The following TMEM232 variants were observed in gnomAD, a reference collection of about 807,000 sequenced individuals.
TMEM232 encodes transmembrane protein 232.
A neutral mutation model predicts 78.8 loss-of-function variants in TMEM232; 80 were observed. That is an observed-to-expected ratio of 1.01 (90% CI 0.85 to 1.22). The LOEUF is 1.22. TMEM232 is among the 50% of genes most tolerant of loss of function. The pLI is 0.00. For synonymous variants in TMEM232, 297 were observed against 254.3 expected (o/e 1.17, Z -1.60); for missense variants, 881 against 742.2 (o/e 1.19, Z -2.17).
intron 12 of TMEM232, among the ~76,000 whole-genome samples, chr5:110,434,893 T>C (rs1216722816): frequency 6.6e-6 from 1 of 152,034 alleles, no homozygotes; most frequent in Non-Finnish European, 1.5e-5. Context: ...ATGCATTTGA[T>C]AAAATCCAAC....
At chr5:110,615,374 AT>A (rs1205613852) in intron 8 of TMEM232, among the ~76,000 whole-genome samples, 6 of 152,014 alleles carry the variant, frequency 3.9e-5, no homozygotes, top group Non-Finnish European at 8.8e-5. Flanking sequence ...TTGTTATGGC[AT>A]TACAAGTTAT....
upstream of TMEM232, among the ~76,000 whole-genome samples, chr5:110,727,548 G>A (rs1230131491): frequency 6.6e-6 from 1 of 152,110 alleles, no homozygotes; most frequent in African/African-American, 2.4e-5. Flanking sequence ...GATGGAGGTT[G>A]CAGTGAGCCG....
chr5:110,453,632 A>G (rs1359009851), intron 12 of TMEM232, among the ~76,000 whole-genome samples: 1 of 152,162 alleles, frequency 6.6e-6, no homozygotes, highest in Non-Finnish European at 1.5e-5. Context: ...ATTCAGAGCA[A>G]ATTTATCAGC....
chr5:110,599,139 C>T (rs891440917), intron 10 of TMEM232, among the ~76,000 whole-genome samples: 2 of 152,046 alleles, frequency 1.3e-5, no homozygotes, highest in African/African-American at 2.4e-5. Context: ...TTGTCACCAT[C>T]AGGCCTGCCT....
intron 1 of TMEM232, among the ~76,000 whole-genome samples, chr5:110,701,961 C>A (rs999704597): frequency 6.6e-6 from 1 of 151,952 alleles, no homozygotes; most frequent in African/African-American, 2.4e-5. Flanking sequence ...TAAGGGGGGA[C>A]TACACATAAA....
chr5:110,698,172 C>T (rs1488661901), intron 1 of TMEM232, among the ~76,000 whole-genome samples: 1 of 151,782 alleles, frequency 6.6e-6, no homozygotes, highest in Non-Finnish European at 1.5e-5. Context: ...TCATTCTCAG[C>T]AAACTATCAC....
At chr5:110,619,469 G>A (rs966712704) in intron 7 of TMEM232, among the ~76,000 whole-genome samples, 12 of 152,112 alleles carry the variant, frequency 7.9e-5, no homozygotes, top group African/African-American at 2.7e-4. Flanking sequence ...CAGGAATTCC[G>A]TTAAGATTCT....
At chr5:110,550,360 T>G (rs1252076189) in intron 11 of TMEM232, among the ~76,000 whole-genome samples, 2 of 152,128 alleles carry the variant, frequency 1.3e-5, no homozygotes, top group East Asian at 3.9e-4. Context: ...CTTATGAGAC[T>G]CACGTAAAAC....
chr5:110,420,774 C>A lies in TMEM232; in HGVS notation c.1798-18G>T. On this transcript the variant is annotated intron_variant, in intron 13 of 13. Transcript: ENST00000455884. The stretch of plus-strand genomic sequence containing the variant: ...TCCTGCCACTGTTACAGAGAGAAAA[C>A]GTCATTCACATGATTTTCCATGAAA... The A allele has an allele frequency of 6.7e-7, 1 of 1,489,850 alleles. No individual in the cohort carries two copies. Among genetic ancestry groups the A allele is most frequent in the Non-Finnish European group, 8.8e-7 (1 of 1,132,512 alleles). The allele number at this position is 1,489,850 out of a possible 1,614,324, so 92.3% of individuals were successfully genotyped here.
rs1784289424 is a variant in TMEM232, at chr5:110,625,359, A to T, written c.676T>A (p.Ser226Thr). ...AGTTCTCTTTTACCTATAATTTCCG[A>T]GGCTTTCAGGATGAATTGCACATTT... ...FSNVQFILKASEIIGKRELRS... is the reference protein window; with the variant it reads ...FSNVQFILKATEIIGKRELRS... Residue 226 changes from serine to threonine, a missense_variant, in exon 7 of 14, where the codon TCG becomes ACG. Physicochemically the swap from Ser to Thr is moderately conservative, Grantham distance 58. Transcript: ENST00000455884. 1 of 1,548,038 alleles carries T rather than the reference A, an allele frequency of 6.5e-7. No homozygotes were observed. The highest frequency in any genetic ancestry group is 2.0e-5 in the Admixed American group (1 of 50,760).
chr5:110,697,863 C>G (rs374066872), intron 1 of TMEM232, among the ~76,000 whole-genome samples: 15 of 152,132 alleles, frequency 9.9e-5, no homozygotes, highest in East Asian at 9.6e-4. Context: ...TTCAACCATT[C>G]TGGAAGTCAG....
intron 1 of TMEM232, among the ~76,000 whole-genome samples, chr5:110,704,004 T>G (rs1795682347): frequency 6.6e-6 from 1 of 152,124 alleles, no homozygotes; most frequent in Non-Finnish European, 1.5e-5. Flanking sequence ...TGAGACTGGA[T>G]AGAGGATTTC....
chr5:110,656,320 G>A (rs533154561), intron 2 of TMEM232, among the ~76,000 whole-genome samples: 70 of 152,026 alleles, frequency 4.6e-4, no homozygotes, highest in South Asian at 4.1e-4. Context: ...TTATCTCCAC[G>A]TGTGTTGAGT....
intron 2 of TMEM232, among the ~76,000 whole-genome samples, chr5:110,407,722 G>A (rs967624984): frequency 2.0e-5 from 3 of 152,086 alleles, no homozygotes; most frequent in South Asian, 2.1e-4. Flanking sequence ...TGCAGAATAC[G>A]CTTTCTTTTC....
chr5:110,421,755 A>G lies in TMEM232; in HGVS notation c.1798-999T>C, dbSNP rs536882153. ...AGAGCTAAACATCAGAGTCCATAGC[A>G]TGTCACTCAGCTTTGACGAATGCAT... On this transcript the variant is annotated intron_variant, in intron 13 of 13. Coordinates refer to ENST00000455884, the MANE Select transcript of TMEM232 (RefSeq NM_001039763.4). Among the ~76,000 whole-genome samples, 81 of 152,314 alleles carry G rather than the reference A, an allele frequency of 5.3e-4. 1 individual carries two copies. Among genetic ancestry groups the G allele is most frequent in the African/African-American group, 1.9e-3 (80 of 41,568 alleles).
intron 11 of TMEM232, among the ~76,000 whole-genome samples, chr5:110,540,142 C>T (rs1772919059): frequency 6.6e-6 from 1 of 152,184 alleles, no homozygotes; most frequent in South Asian, 2.1e-4. Flanking sequence ...AGCCCTTCTC[C>T]TTGTATGTAG....
At chr5:110,722,408 G>T (rs1797736280) in intron 1 of TMEM232, among the ~76,000 whole-genome samples, 2 of 152,114 alleles carry the variant, frequency 1.3e-5, no homozygotes. Flanking sequence ...AGTCATCTAA[G>T]TTCAGTCAGT....
intron 1 of TMEM232, among the ~76,000 whole-genome samples, chr5:110,696,576 C>G (rs533827345): frequency 6.6e-6 from 1 of 152,156 alleles, no homozygotes; most frequent in Non-Finnish European, 1.5e-5. Flanking sequence ...CCCAAAATCT[C>G]CTTAAGCTGA....
At chr5:110,572,334 G>A (rs1312259495) in intron 10 of TMEM232, among the ~76,000 whole-genome samples, 1 of 151,962 alleles carries the variant, frequency 6.6e-6, no homozygotes, top group Non-Finnish European at 1.5e-5. Context: ...TTAGCTTGAA[G>A]TCAATATAAG....
Sources: allele counts gnomAD v4.1 joint callset (sites outside exome capture counted in the v4.1 genomes callset), GRCh38; gene constraint gnomAD v4.1.1; transcripts MANE v1.5; gene names NCBI Gene and HGNC (gene_info 2026-07-23, HGNC 2026-07-21).